FGF14: variants seen among roughly 807,000 people sequenced by gnomAD.
The protein encoded by FGF14 is fibroblast growth factor 14, also known as fibroblast growth factor homologous factor 4.
Under a neutral mutation model 25.5 loss-of-function variants are expected in FGF14, and 5 were observed. That is an observed-to-expected ratio of 0.20 (90% CI 0.10 to 0.41). FGF14 has a LOEUF of 0.41. Ranked by LOEUF, FGF14 falls within the 10% of genes least tolerant of loss-of-function variation. The probability of loss-of-function intolerance (pLI) is 1.00; values close to 1 mark genes in which losing one functional copy is unlikely to be tolerated. For missense variants in FGF14, 222 were observed against 320.1 expected (o/e 0.69, Z 2.34); for synonymous variants, 138 against 118.3 (o/e 1.17, Z -1.08).
At chr13:101,905,540 TG>T (rs1159312302) in intron 1 of FGF14, among the ~76,000 whole-genome samples, 7 of 151,292 alleles carry the variant, frequency 4.6e-5, no homozygotes, top group Admixed American at 4.6e-4. Flanking sequence ...CATCACACGC[TG>T]GGGCCTGTTG....
intron 1 of FGF14, among the ~76,000 whole-genome samples, chr13:101,975,382 C>A (rs2139572295): frequency 6.6e-6 from 1 of 152,248 alleles, no homozygotes; most frequent in Non-Finnish European, 1.5e-5. Flanking sequence ...GACCCCCCAC[C>A]ATGAACACCA....
chr13:101,970,084 C>T (rs553341590), intron 1 of FGF14, among the ~76,000 whole-genome samples: 12 of 152,226 alleles, frequency 7.9e-5, no homozygotes, highest in Non-Finnish European at 1.5e-5. Context: ...TAATTCACTC[C>T]ATTGGTTATC....
intron 3 of FGF14, among the ~76,000 whole-genome samples, chr13:101,732,398 C>T (rs1246097526): frequency 2.6e-5 from 4 of 152,058 alleles, no homozygotes; most frequent in Admixed American, 6.6e-5. Flanking sequence ...AATAGAGAAA[C>T]GATATTAGAC....
At chr13:102,160,617 C>A (rs1646675910) in intron 1 of FGF14, among the ~76,000 whole-genome samples, 1 of 151,942 alleles carries the variant, frequency 6.6e-6, no homozygotes, top group African/African-American at 2.4e-5. Context: ...CTTGGAACAC[C>A]ACTCAGTCGG....
chr13:101,955,678 T>C (rs952976469), intron 1 of FGF14, among the ~76,000 whole-genome samples: 1 of 152,232 alleles, frequency 6.6e-6, no homozygotes, highest in East Asian at 1.9e-4. Flanking sequence ...AGAAACTATG[T>C]GGACAGCTGA....
chr13:102,033,512 C>T (rs572682264), intron 1 of FGF14, among the ~76,000 whole-genome samples: 44 of 152,162 alleles, frequency 2.9e-4, no homozygotes, highest in Non-Finnish European at 5.9e-4. Context: ...CACACACACA[C>T]ACACTCATGC....
rs147843198 is a variant in FGF14, at chr13:101,712,088, C to G, written c.*10743G>C. 5.3e-4 allele frequency: 81 copies of G among 152,282 alleles called. 1 individual carries two copies. The highest frequency in any genetic ancestry group is 1.8e-3 in the African/African-American group (76 of 41,550). 9.4% of individuals were successfully genotyped at this position (152,282 alleles called of 1,614,324 possible). A position where few individuals can be genotyped will look rare whatever the true frequency, so the allele number is the denominator to read the frequency against. On this transcript the variant is annotated 3_prime_UTR_variant, in exon 5 of 5. Transcript: ENST00000376143. ...GGAAGAAAACAGCTAGAGCGTTCTA[C>G]AGGAAAAGTGCTATAATAGGTCCTA... is the stretch of plus-strand genomic sequence containing the variant.
intron 1 of FGF14, among the ~76,000 whole-genome samples, chr13:102,387,700 A>T (rs1340537275): frequency 6.6e-6 from 1 of 150,890 alleles, no homozygotes; most frequent in Non-Finnish European, 1.5e-5. Flanking sequence ...CATAGTACCC[A>T]CTAGGCAGTT....
In FGF14 at chr13:102,400,438, C is replaced by A. The variant is rs2058676196; in HGVS notation, c.208+1033G>T. On this transcript the variant is annotated intron_variant, in intron 1 of 4. Transcript: ENST00000376131. The surrounding 1 kb of genome is among the most constrained non-coding windows in gnomAD (Gnocchi z 4.3). ...ACACACTCCCGGCTGCCAGCGTGAG[C>A]GGTTCCGGGAAAGGCTGCGCCCAGC... Among the ~76,000 whole-genome samples the A allele has an allele frequency of 1.3e-5, 2 of 152,164 alleles. No homozygotes were observed. Among genetic ancestry groups the A allele is most frequent in the East Asian group, 1.9e-4 (1 of 5,170 alleles).
At chr13:102,063,864 T>G (rs574739769) in intron 1 of FGF14, among the ~76,000 whole-genome samples, 1 of 152,276 alleles carries the variant, frequency 6.6e-6, no homozygotes, top group East Asian at 1.9e-4. Context: ...TAATATATTA[T>G]GTCAACAATG....
chr13:102,016,158 C>A (rs2040332410), intron 1 of FGF14, among the ~76,000 whole-genome samples: 1 of 151,918 alleles, frequency 6.6e-6, no homozygotes, highest in Non-Finnish European at 1.5e-5. Flanking sequence ...ATCAAAATGA[C>A]CTTAGGAGGT....
At chr13:102,166,530 G>A (rs1007742473) in intron 1 of FGF14, among the ~76,000 whole-genome samples, 3 of 151,992 alleles carry the variant, frequency 2.0e-5, no homozygotes, top group Non-Finnish European at 4.4e-5. Context: ...TCCTTTTTGA[G>A]TTCATTTAGT....
At chr13:102,068,239 AATG>A (rs547775373) in intron 1 of FGF14, among the ~76,000 whole-genome samples, 2 of 152,246 alleles carry the variant, frequency 1.3e-5, no homozygotes, top group South Asian at 4.1e-4. Flanking sequence ...TAAACAATCT[AATG>A]AAGTATCTTA....
intron 1 of FGF14, among the ~76,000 whole-genome samples, chr13:102,207,642 A>AAAT (rs1363988090): frequency 7.3e-5 from 11 of 150,994 alleles, no homozygotes; most frequent in Middle Eastern, 3.2e-3. Context: ...AAAAAAAAAA[A>AAAT]AAAAGACAGT....
intron 1 of FGF14, among the ~76,000 whole-genome samples, chr13:102,281,036 C>G (rs1487449742): frequency 6.6e-6 from 1 of 152,152 alleles, no homozygotes; most frequent in Non-Finnish European, 1.5e-5. Flanking sequence ...ACTTAGATTT[C>G]ATCTATTTCT....
Position 101,717,337 on chromosome 13 carries a change from T to C in FGF14, c.*5494A>G, listed in dbSNP as rs559129762. On this transcript the variant is annotated 3_prime_UTR_variant, in exon 5 of 5. Transcript: ENST00000376143. ...TTATCTCTATCCTGAGATTAAGGAG[T>C]GCAACCATGTTGTAGTTCTATTATT... 1 of 152,244 alleles carries C rather than the reference T, an allele frequency of 6.6e-6. No individual in the cohort carries two copies. The highest frequency in any genetic ancestry group is 2.4e-5 in the African/African-American group (1 of 41,562). 9.4% of individuals were successfully genotyped at this position (152,244 alleles called of 1,614,324 possible).
At chr13:101,975,952 G>A (rs916969967) in intron 1 of FGF14, among the ~76,000 whole-genome samples, 2 of 152,198 alleles carry the variant, frequency 1.3e-5, no homozygotes, top group South Asian at 2.1e-4. Flanking sequence ...TACCAACCAC[G>A]GCCTGGTTCT....
At chr13:101,881,064 G>A (rs985165206) in intron 1 of FGF14, among the ~76,000 whole-genome samples, 2 of 152,070 alleles carry the variant, frequency 1.3e-5, no homozygotes, top group African/African-American at 4.8e-5. Flanking sequence ...CTTTTTCTAG[G>A]GGAAAATGTT....
At chr13:102,203,983 G>A (rs1256250343) in intron 1 of FGF14, among the ~76,000 whole-genome samples, 1 of 152,168 alleles carries the variant, frequency 6.6e-6, no homozygotes. Flanking sequence ...AAGACTACAT[G>A]ACCAGGTACT....
Sources: allele counts gnomAD v4.1 joint callset (sites outside exome capture counted in the v4.1 genomes callset), GRCh38; gene constraint gnomAD v4.1.1; non-coding constraint Gnocchi (gnomAD v3.1); transcripts MANE v1.5; gene names NCBI Gene and HGNC (gene_info 2026-07-23, HGNC 2026-07-21).